The following PDE1C variants were observed in gnomAD, a reference collection of about 807,000 sequenced individuals.
The protein encoded by PDE1C is phosphodiesterase 1C.
A neutral mutation model predicts 93.1 loss-of-function variants in PDE1C; 62 were observed. That is an observed-to-expected ratio of 0.67 (90% CI 0.54 to 0.82). The LOEUF is 0.82. PDE1C is among the 40% of genes least tolerant of loss of function. PDE1C has a pLI of 0.00. For synonymous variants in PDE1C, 325 were observed against 310.1 expected (o/e 1.05, Z -0.50); for missense variants, 742 against 884.6 (o/e 0.84, Z 2.04).
intron 2 of PDE1C, among the ~76,000 whole-genome samples, chr7:31,989,500 A>G (rs1412219007): frequency 6.6e-6 from 1 of 152,184 alleles, no homozygotes; most frequent in African/African-American, 2.4e-5. Context: ...TGAAACTTTT[A>G]TCTAATTTTT....
At chr7:32,108,615 C>T (rs972453498) in intron 3 of PDE1C, among the ~76,000 whole-genome samples, 5 of 152,192 alleles carry the variant, frequency 3.3e-5, no homozygotes, top group Non-Finnish European at 5.9e-5. Context: ...GCACTCATTT[C>T]ATACCTGTAC....
intron 2 of PDE1C, among the ~76,000 whole-genome samples, chr7:32,034,183 G>C (rs1451988938): frequency 1.3e-5 from 2 of 151,934 alleles, no homozygotes; most frequent in Non-Finnish European, 2.9e-5. Context: ...AGAGCAGAGA[G>C]ACAACATGAG....
chr7:31,822,753 C>G (rs767633907), intron 14 of PDE1C, among the ~76,000 whole-genome samples: 11 of 152,096 alleles, frequency 7.2e-5, no homozygotes, highest in Non-Finnish European at 1.3e-4. Context: ...AGTTGTGCCA[C>G]ATGATATCAA....
the PDE1C span, among the ~76,000 whole-genome samples, chr7:31,637,675 A>T: frequency 6.6e-6 from 1 of 152,076 alleles, no homozygotes; most frequent in Non-Finnish European, 1.5e-5. Context: ...ATTTTCTCCC[A>T]TTCTGTAGGT....
the PDE1C span, among the ~76,000 whole-genome samples, chr7:31,679,506 ACTTTTC>A: frequency 6.6e-6 from 1 of 152,208 alleles, no homozygotes; most frequent in Admixed American, 6.5e-5. Context: ...CTTAGTCAAC[ACTTTTC>A]CTTATGTTCA....
upstream of PDE1C, chr7:32,070,766 C>G (rs1301338460): frequency 9.5e-7 from 1 of 1,049,658 alleles, no homozygotes; most frequent in Non-Finnish European, 1.1e-6. Context: ...GCGATCAGCG[C>G]GCAGCTAAAG....
chr7:31,643,076 T>C, the PDE1C span: 2 of 1,613,896 alleles, frequency 1.2e-6, no homozygotes, highest in East Asian at 2.2e-5. Flanking sequence ...CTGGGGTTTA[T>C]GGTAACCCAC....
chr7:31,766,642 T>G (rs949226041), intron 17 of PDE1C, among the ~76,000 whole-genome samples: 1 of 152,250 alleles, frequency 6.6e-6, no homozygotes, highest in African/African-American at 2.4e-5. Context: ...CATTTATGTA[T>G]GAAATTATTG....
the PDE1C span, among the ~76,000 whole-genome samples, chr7:31,692,154 C>A: frequency 6.6e-6 from 1 of 152,112 alleles, no homozygotes; most frequent in Non-Finnish European, 1.5e-5. Context: ...TGAGAGAGGG[C>A]AAATATTGGA....
At chr7:31,786,182 T>C (rs1278435005) in intron 16 of PDE1C, 11 of 152,194 alleles carry the variant, frequency 7.2e-5, no homozygotes, top group Admixed American at 2.6e-4. Context: ...GTTTTAAAAG[T>C]TTCCACTCGG....
At chr7:31,772,186 A>G (rs1795535090) in intron 17 of PDE1C, among the ~76,000 whole-genome samples, 1 of 152,086 alleles carries the variant, frequency 6.6e-6, no homozygotes. Flanking sequence ...CTAATGCTCT[A>G]TAATCATATT....
chr7:32,002,698 T>G (rs1785637289), intron 2 of PDE1C, among the ~76,000 whole-genome samples: 1 of 152,180 alleles, frequency 6.6e-6, no homozygotes, highest in South Asian at 2.1e-4. Context: ...CCACCTCTTA[T>G]GAAATTTTGC....
intron 2 of PDE1C, among the ~76,000 whole-genome samples, chr7:31,994,647 C>T (rs1033490074): frequency 2.0e-5 from 3 of 152,088 alleles, no homozygotes; most frequent in African/African-American, 7.2e-5. Context: ...AATTACTTTC[C>T]ACTCTCCCTC....
rs369494578 is a variant in PDE1C at position 31,795,068 on chromosome 7, C to T, written c.1891+13963G>A. Among the ~76,000 whole-genome samples the T allele has an allele frequency of 8.7e-4, 133 of 152,020 alleles. 2 individuals carry two copies. In the South Asian group the frequency reaches 0.026, roughly 30 times the overall value. On this transcript the variant is annotated intron_variant, in intron 16 of 17. Transcript: ENST00000396191. ...AATGTAGACATGGTCACTTGGAGAG[C>T]AGGATGCCCATCAGTGGAGAATGCT...
intron 2 of PDE1C, among the ~76,000 whole-genome samples, chr7:32,017,362 G>A (rs187538140): frequency 1.3e-5 from 2 of 152,232 alleles, no homozygotes; most frequent in East Asian, 3.9e-4. Context: ...ATGGATCATA[G>A]ATCTAAATGT....
chr7:31,737,803 A>AG, the PDE1C span, among the ~76,000 whole-genome samples: 9 of 150,920 alleles, frequency 6.0e-5, no homozygotes, highest in Non-Finnish European at 1.2e-4. Context: ...TCCATCTCAA[A>AG]AAAAAAAAAA....
At chr7:32,016,209 T>C (rs1478991257) in intron 2 of PDE1C, among the ~76,000 whole-genome samples, 1 of 152,242 alleles carries the variant, frequency 6.6e-6, no homozygotes. Context: ...ATAACACTGC[T>C]GGACCTATAA....
chr7:31,848,275 G>A (rs545463879), intron 8 of PDE1C, among the ~76,000 whole-genome samples, 179 bp from the exon 9 acceptor site: 2 of 152,252 alleles, frequency 1.3e-5, no homozygotes, highest in East Asian at 3.9e-4. Context: ...GATGAATGTA[G>A]GGTATGTTAT....
chr7:31,804,137 A>G (rs914987221), intron 16 of PDE1C, among the ~76,000 whole-genome samples: 1 of 151,932 alleles, frequency 6.6e-6, no homozygotes, highest in Non-Finnish European at 1.5e-5. Context: ...CTCTATGTAT[A>G]TCCTTGAGCT....
Sources: allele counts gnomAD v4.1 joint callset (sites outside exome capture counted in the v4.1 genomes callset), GRCh38; gene constraint gnomAD v4.1.1; transcripts MANE v1.5; gene names NCBI Gene and HGNC (gene_info 2026-07-23, HGNC 2026-07-21).